FCRLB: variants seen among roughly 807,000 people sequenced by gnomAD.
FCRLB encodes the protein Fc receptor like B.
Under a neutral mutation model 33.6 loss-of-function variants are expected in FCRLB, and 34 were observed. The ratio of observed to expected loss-of-function variants is 1.01; its 90% confidence interval spans 0.77 to 1.35. FCRLB has a LOEUF of 1.35. FCRLB is among the 40% of genes most tolerant of loss of function. The probability of loss-of-function intolerance (pLI) is 0.00; values close to 1 mark genes in which losing one functional copy is unlikely to be tolerated. For missense variants in FCRLB, 560 were observed against 580.2 expected (o/e 0.97, Z 0.36); for synonymous variants, 280 against 255.9 (o/e 1.09, Z -0.90).
In FCRLB at chr1:161,726,199, G is replaced by A. The variant is rs768259750; in HGVS notation, c.574+112G>A. ...AAGTTCAAATAGCTGCCACTTGGAG[G>A]GTTTCTCTTAGACTATGGACGCTGT... On this transcript the variant is annotated intron_variant, in intron 6 of 7. Transcript: ENST00000367948. This position sits in a 1 kb window ranked among gnomAD's most constrained non-coding sequence, Gnocchi z 5.2. 1.8e-5 allele frequency: 28 copies of A among 1,531,760 alleles called. No individual in the cohort carries two copies. In the South Asian group the frequency reaches 2.9e-4, roughly 16 times the overall value. The allele number at this position is 1,531,760 out of a possible 1,614,324, so 94.9% of individuals were successfully genotyped here. A position where few individuals can be genotyped will look rare whatever the true frequency, so the allele number is the denominator to read the frequency against.
At position 161,726,319 on chromosome 1, in the gene FCRLB, G is replaced by C; in HGVS notation, c.574+232G>C. The C allele has an allele frequency of 1.2e-6, 1 of 813,856 alleles. No homozygotes were observed. The highest frequency in any genetic ancestry group is 2.0e-6 in the Non-Finnish European group (1 of 488,556). The allele number at this position is 813,856 out of a possible 1,614,324, so 50.4% of individuals were successfully genotyped here. Reference sequence around the variant, plus strand: ...CACATCCTGGCTTCTCACTCTGGCTGGGGACTCCCACAGAGAGGGCAGCTC... The same window carrying C: ...CACATCCTGGCTTCTCACTCTGGCTCGGGACTCCCACAGAGAGGGCAGCTC... On this transcript the variant is annotated intron_variant, in intron 6 of 7. Transcript: ENST00000367948. This position sits in a 1 kb window ranked among gnomAD's most constrained non-coding sequence, Gnocchi z 5.2.
intron 5 of FCRLB, 63 bp downstream of exon 5, chr1:161,723,684 G>A: frequency 1.3e-6 from 2 of 1,571,908 alleles, no homozygotes; most frequent in South Asian, 2.4e-5. Flanking sequence ...CTAGTCCTCT[G>A]GTGGGAGGGA....
At chr1:161,727,421 C>T (rs903250180) in exon 8 of FCRLB, 22 of 1,613,168 alleles carry the variant, frequency 1.4e-5, no homozygotes, top group Non-Finnish European at 1.8e-5. Context: ...AGCGGCGCCC[C>T]GACTGCGGGG....
At chr1:161,722,830 G>C (rs1410819355) in intron 3 of FCRLB, 127 bp downstream of exon 3, 1 of 1,489,408 alleles carries the variant, frequency 6.7e-7, no homozygotes, top group African/African-American at 1.4e-5. Flanking sequence ...TTTTTGGAGG[G>C]GTGAAGAAGA....
chr1:161,726,147 G>T lies in FCRLB; in HGVS notation c.574+60G>T. 1 of 1,610,128 alleles carries T rather than the reference G, an allele frequency of 6.2e-7. No homozygotes were observed. Among genetic ancestry groups the T allele is most frequent in the Non-Finnish European group, 8.5e-7 (1 of 1,177,808 alleles). On this transcript the variant is annotated intron_variant, in intron 6 of 7. Coordinates refer to ENST00000367948, the Ensembl canonical transcript of FCRLB. This position sits in a 1 kb window ranked among gnomAD's most constrained non-coding sequence, Gnocchi z 5.2. ...ATGAGCATTGAGAAATTCTGGGACA[G>T]GAGCTCGGCGAGAAAAGAAGGGGCG... is the stretch of plus-strand genomic sequence containing the variant.
exon 8 of FCRLB, chr1:161,727,340 C>T (rs1238672805): frequency 6.2e-7 from 1 of 1,613,714 alleles, no homozygotes; most frequent in East Asian, 2.2e-5. Context: ...AGAAAGCCCC[C>T]GGTGTCCAGA....
intron 5 of FCRLB, among the ~76,000 whole-genome samples, chr1:161,724,522 G>C (rs1683477998): frequency 6.6e-6 from 1 of 152,058 alleles, no homozygotes; most frequent in Admixed American, 6.6e-5. Context: ...GTTTGAACCT[G>C]GGAGGCGGAA....
chr1:161,727,083 GTTC>G, intron 7 of FCRLB, 90 bp downstream of exon 7: 1 of 1,262,184 alleles, frequency 7.9e-7, no homozygotes, highest in Non-Finnish European at 1.0e-6. Context: ...CCGCCCCCTG[GTTC>G]CCGTCCCGCC....
At chr1:161,723,161 G>A (rs1683429077) in intron 4 of FCRLB, 152 bp downstream of exon 4, 5 of 1,185,606 alleles carry the variant, frequency 4.2e-6, no homozygotes, top group Admixed American at 2.0e-5. Context: ...TTGCTTGAAG[G>A]CATTTAGAAA....
chr1:161,727,661 G>A, exon 8 of FCRLB: 1 of 1,588,276 alleles, frequency 6.3e-7, no homozygotes, highest in Middle Eastern at 1.7e-4. Context: ...GTGGAGAGCT[G>A]AGGGGGCGGC....
intron 3 of FCRLB, 34 bp from the exon 4 acceptor site, chr1:161,722,955 T>C: frequency 6.2e-7 from 1 of 1,612,850 alleles, no homozygotes; most frequent in Non-Finnish European, 8.5e-7. Context: ...AATATTCTCC[T>C]TCTCCTTCCT....
chr1:161,724,112 C>T (rs1472763020), intron 5 of FCRLB, among the ~76,000 whole-genome samples: 3 of 152,144 alleles, frequency 2.0e-5, no homozygotes, highest in Non-Finnish European at 4.4e-5. Context: ...TCTTCGGCTG[C>T]TCTGAGGATT....
intron 2 of FCRLB, among the ~76,000 whole-genome samples, chr1:161,722,147 G>A (rs1439122409): frequency 3.3e-5 from 5 of 152,214 alleles, no homozygotes; most frequent in African/African-American, 4.8e-5. Context: ...CAGGATGTGA[G>A]CTCTGGGGGC....
At chr1:161,723,066 A>T (rs538402886) in intron 4 of FCRLB, 57 bp downstream of exon 4, 1 of 1,603,534 alleles carries the variant, frequency 6.2e-7, no homozygotes, top group East Asian at 2.2e-5. Flanking sequence ...CAACCCCCTA[A>T]GTGACCTTTT....
rs560704170 is a variant in FCRLB, at chr1:161,726,215, T to G, written c.574+128T>G. On this transcript the variant is annotated intron_variant, in intron 6 of 7. Coordinates refer to ENST00000367948, the Ensembl canonical transcript of FCRLB. The surrounding 1 kb of genome is among the most constrained non-coding windows in gnomAD (Gnocchi z 5.2). ...CACTTGGAGGGTTTCTCTTAGACTA[T>G]GGACGCTGTCTCCTCTCCTTTGCCG... 1 of 1,442,240 alleles carries G rather than the reference T, an allele frequency of 6.9e-7. No individual in the cohort carries two copies. The highest frequency in any genetic ancestry group is 9.6e-7 in the Non-Finnish European group (1 of 1,046,212). 89.3% of individuals were successfully genotyped at this position (1,442,240 alleles called of 1,614,324 possible).
chr1:161,725,850 C>T, exon 6 of FCRLB: 1 of 1,613,148 alleles, frequency 6.2e-7, no homozygotes, highest in Non-Finnish European at 8.5e-7. Context: ...GCCCTATGCG[C>T]CAGTGTTCGA....
chr1:161,726,651 G>A lies in FCRLB; in HGVS notation c.575-52G>A, dbSNP rs778262636. The stretch of plus-strand genomic sequence containing the variant: ...CCTCGCGGGAAGCAGGAAGGAGCGG[G>A]GTCGCGGAGCGGTGGACAAGCCGGC... On this transcript the variant is annotated intron_variant, in intron 6 of 7. Coordinates refer to ENST00000367948, the Ensembl canonical transcript of FCRLB. This position sits in a 1 kb window ranked among gnomAD's most constrained non-coding sequence, Gnocchi z 5.2. 33 of 1,551,774 alleles carry A rather than the reference G, an allele frequency of 2.1e-5. No individual in the cohort carries two copies. The highest frequency in any genetic ancestry group is 2.7e-5 in the Non-Finnish European group (31 of 1,155,826).
chr1:161,722,777 G>T, intron 3 of FCRLB, 74 bp downstream of exon 3: 1 of 1,578,032 alleles, frequency 6.3e-7, no homozygotes, highest in Non-Finnish European at 8.7e-7. Flanking sequence ...GGGGAGAGGA[G>T]GGTGGGTATC....
chr1:161,728,002 C>A, exon 8 of FCRLB: 1 of 224,956 alleles, frequency 4.4e-6, no homozygotes, highest in Non-Finnish European at 8.8e-6. Context: ...TATTTAAGTA[C>A]ATTGAGGTAA....
Sources: allele counts gnomAD v4.1 joint callset (sites outside exome capture counted in the v4.1 genomes callset), GRCh38; gene constraint gnomAD v4.1.1; non-coding constraint Gnocchi (gnomAD v3.1); transcripts MANE v1.5; gene names NCBI Gene and HGNC (gene_info 2026-07-23, HGNC 2026-07-21).